Variants in DSCAML1 observed in about 807,000 individuals in gnomAD.
DSCAML1 encodes cell adhesion molecule DSCAML1.
DSCAML1 carries 38 observed loss-of-function variants against 200.5 expected under a neutral mutation model. The observed-to-expected ratio is 0.19, with a 90% CI of 0.15 to 0.25. DSCAML1 has a LOEUF of 0.25. Among genes scored for constraint, DSCAML1 ranks in the 10% least tolerant of loss-of-function variants. DSCAML1 has a pLI of 1.00. For synonymous variants in DSCAML1, 1,215 were observed against 1,165.0 expected (o/e 1.04, Z -0.87); for missense variants, 2,223 against 2,858.8 (o/e 0.78, Z 5.07).
At chr11:117,758,546 C>T (rs1357624493) in intron 3 of DSCAML1, among the ~76,000 whole-genome samples, 6 of 151,774 alleles carry the variant, frequency 4.0e-5, no homozygotes, top group Admixed American at 6.6e-5. Flanking sequence ...GGACTACAGG[C>T]GCCTACCACC....
chr11:117,562,244 C>T lies in DSCAML1; in HGVS notation c.512-29722G>A, dbSNP rs775758044. Reference sequence around the variant, plus strand: ...GAGGAGCTCAAGCTCCAGTTACTGACGCACTGTGGGTCCCAAGGGAGCCCC... The same window carrying T: ...GAGGAGCTCAAGCTCCAGTTACTGATGCACTGTGGGTCCCAAGGGAGCCCC... On this transcript the variant is annotated intron_variant, in intron 3 of 32. Coordinates refer to ENST00000651296, the MANE Select transcript of DSCAML1 (RefSeq NM_020693.4). 2.8e-4 allele frequency among the ~76,000 whole-genome samples: 42 copies of T among 152,162 alleles called. 1 individual carries two copies. The highest frequency in any genetic ancestry group is 4.7e-4 in the Non-Finnish European group (32 of 68,028).
At chr11:117,730,322 TGGGTAGCTTC>T in intron 3 of DSCAML1, among the ~76,000 whole-genome samples, 1 of 152,108 alleles carries the variant, frequency 6.6e-6, no homozygotes, top group Non-Finnish European at 1.5e-5. Flanking sequence ...TCAAGGACAG[TGGGTAGCTTC>T]TCCAAGTTGG....
intron 32 of DSCAML1, among the ~76,000 whole-genome samples, chr11:117,430,189 G>A (rs2047757305): frequency 1.3e-5 from 2 of 152,232 alleles, no homozygotes; most frequent in African/African-American, 4.8e-5. Flanking sequence ...GGGGTCAGAT[G>A]GTTCCCAGCC....
At chr11:117,816,807 G>GGGGGGGGGT (rs1555038476) in intron 1 of DSCAML1, among the ~76,000 whole-genome samples, 4 of 115,044 alleles carry the variant, frequency 3.5e-5, no homozygotes, top group African/African-American at 5.9e-5. Flanking sequence ...CTGGGGGGGT[G>GGGGGGGGGT]GGGTGGAGAT....
At chr11:117,431,774 C>T in intron 30 of DSCAML1, 46 bp from the exon 31 acceptor site, 1 of 1,493,826 alleles carries the variant, frequency 6.7e-7, no homozygotes, top group Non-Finnish European at 9.0e-7. Context: ...CCAAAGGCAC[C>T]CAGGCTTGGG....
intron 3 of DSCAML1, among the ~76,000 whole-genome samples, chr11:117,759,147 CG>C (rs1441860804): frequency 6.6e-6 from 1 of 152,172 alleles, no homozygotes; most frequent in Non-Finnish European, 1.5e-5. Context: ...TCTTGAGACC[CG>C]GGTCCCCGGT....
At position 117,439,798 on chromosome 11, in the gene DSCAML1, C is replaced by T. The variant is rs754969568; in HGVS notation, c.3980+21G>A. 2.5e-6 allele frequency: 4 copies of T among 1,606,384 alleles called. No homozygotes were observed. In the South Asian group the frequency reaches 3.3e-5, roughly 13 times the overall value. On this transcript the variant is annotated intron_variant, in intron 22 of 32. Transcript: ENST00000651296. ...ATCCCTCTTTGGGGCCACCCCATCCCTCCACTGTCCCGACACACACCTGTC... is the reference window on the plus strand; with the variant it reads ...ATCCCTCTTTGGGGCCACCCCATCCTTCCACTGTCCCGACACACACCTGTC...
chr11:117,501,449 A>G (rs911041234), intron 11 of DSCAML1, among the ~76,000 whole-genome samples: 2 of 152,184 alleles, frequency 1.3e-5, no homozygotes, highest in East Asian at 1.9e-4. Flanking sequence ...CAGCTCCTCC[A>G]ACCCCAGACA....
At chr11:117,607,652 A>G (rs994406950) in intron 3 of DSCAML1, among the ~76,000 whole-genome samples, 3 of 152,180 alleles carry the variant, frequency 2.0e-5, no homozygotes, top group African/African-American at 7.2e-5. Flanking sequence ...CATTAGGTGG[A>G]AGGGCCTGGC....
At chr11:117,725,621 C>T (rs549180504) in intron 3 of DSCAML1, among the ~76,000 whole-genome samples, 1 of 152,288 alleles carries the variant, frequency 6.6e-6, no homozygotes, top group African/African-American at 2.4e-5. Context: ...AGCTGCTGCT[C>T]AGCCCAAAAG....
intron 3 of DSCAML1, among the ~76,000 whole-genome samples, chr11:117,706,482 CT>C (rs1414611538): frequency 6.6e-6 from 1 of 152,236 alleles, no homozygotes; most frequent in Non-Finnish European, 1.5e-5. Context: ...GGATTAAGGG[CT>C]GAGAAGGAAG....
intron 1 of DSCAML1, among the ~76,000 whole-genome samples, chr11:117,786,889 G>A (rs533611776): frequency 6.6e-6 from 1 of 152,298 alleles, no homozygotes; most frequent in African/African-American, 2.4e-5. Flanking sequence ...CCTCACCCAG[G>A]CATGGCAACC....
chr11:117,726,804 C>T (rs1325385039), intron 3 of DSCAML1, among the ~76,000 whole-genome samples: 2 of 151,948 alleles, frequency 1.3e-5, no homozygotes, highest in South Asian at 2.1e-4. Context: ...GTAGTGATCG[C>T]GGGAGAATGA....
At chr11:117,788,322 T>G (rs367972028) in intron 1 of DSCAML1, among the ~76,000 whole-genome samples, 60 of 152,166 alleles carry the variant, frequency 3.9e-4, no homozygotes, top group South Asian at 1.0e-3. Flanking sequence ...TGTTTTTGTT[T>G]TTGTTGTTGT....
chr11:117,515,217 T>C (rs1033293578), intron 8 of DSCAML1, among the ~76,000 whole-genome samples: 3 of 152,162 alleles, frequency 2.0e-5, no homozygotes, highest in Non-Finnish European at 4.4e-5. Context: ...CCATCCTGGC[T>C]CTTCACGAAG....
chr11:117,647,196 C>T (rs1248392771), intron 3 of DSCAML1, among the ~76,000 whole-genome samples: 1 of 152,224 alleles, frequency 6.6e-6, no homozygotes. Flanking sequence ...GACCTCTCAG[C>T]AAAGACATAG....
chr11:117,496,563 A>T (rs2049291935), intron 11 of DSCAML1, among the ~76,000 whole-genome samples: 1 of 152,218 alleles, frequency 6.6e-6, no homozygotes, highest in Admixed American at 6.5e-5. Context: ...GACATACAGG[A>T]TACACACAAT....
rs1040564438 is a variant in DSCAML1 at position 117,531,379 on chromosome 11, C to T, written c.658+997G>A. ...CAGCACACACCTCACAGGGCTATGACGGTCCCTGACAGAAACAAATGAGGG... is the reference window on the plus strand; with the variant it reads ...CAGCACACACCTCACAGGGCTATGATGGTCCCTGACAGAAACAAATGAGGG... On this transcript the variant is annotated intron_variant, in intron 4 of 32. Transcript: ENST00000651296. 1.2e-4 allele frequency among the ~76,000 whole-genome samples: 19 copies of T among 152,254 alleles called. No homozygotes were observed. The South Asian group carries it at 2.5e-3, about 20-fold the overall frequency.
chr11:117,785,442 G>A (rs1180243866), intron 1 of DSCAML1, among the ~76,000 whole-genome samples: 1 of 152,150 alleles, frequency 6.6e-6, no homozygotes, highest in East Asian at 1.9e-4. Context: ...AGGCATGCAT[G>A]TTGGGGGATG....
Sources: gnomAD v4.1 joint callset for allele counts (sites outside exome capture counted in the v4.1 genomes callset) on GRCh38, gnomAD v4.1.1 for gene constraint, MANE v1.5 for transcripts, NCBI Gene and HGNC (gene_info 2026-07-23, HGNC 2026-07-21) for gene names.